The following SLC12A8 variants were observed in gnomAD, a reference collection of about 807,000 sequenced individuals.
SLC12A8 encodes the protein solute carrier family 12 member 8.
Under a neutral mutation model 75.6 loss-of-function variants are expected in SLC12A8, and 69 were observed. The ratio of observed to expected loss-of-function variants is 0.91; its 90% CI spans 0.75 to 1.11. The LOEUF is 1.11. Ranked by LOEUF, SLC12A8 falls within the 50% of genes most tolerant of loss-of-function variation. The pLI is 0.00. For missense variants in SLC12A8, 877 were observed against 896.7 expected (o/e 0.98, Z 0.28); for synonymous variants, 365 against 372.8 (o/e 0.98, Z 0.24).
At chr3:125,130,776 C>T (rs868637167) in intron 6 of SLC12A8, among the ~76,000 whole-genome samples, 1 of 151,862 alleles carries the variant, frequency 6.6e-6, no homozygotes, top group Admixed American at 6.5e-5. Context: ...GGAGGCTCAC[C>T]GCCCCCTTCC....
At chr3:125,162,282 C>A (rs1444180777) in intron 5 of SLC12A8, among the ~76,000 whole-genome samples, 5 of 152,264 alleles carry the variant, frequency 3.3e-5, no homozygotes, top group African/African-American at 1.2e-4. Flanking sequence ...AAGCCCCGTG[C>A]TGGTGTTGGA....
chr3:125,091,320 G>A, intron 12 of SLC12A8, 119 bp downstream of exon 12: 1 of 685,132 alleles, frequency 1.5e-6, no homozygotes, highest in Non-Finnish European at 2.7e-6. Flanking sequence ...TAAATTATTT[G>A]AAAATGGGAT....
In SLC12A8 at chr3:125,108,038, A is replaced by C. The variant is rs779137912; in HGVS notation, c.1148T>G (p.Leu383Arg). Reference sequence around the variant, plus strand: ...GAAGTTGATGGTGACGATGGGGGCCAGAACGTTCACTTGACCCACAAAAAC... The same window carrying C: ...GAAGTTGATGGTGACGATGGGGGCCCGAACGTTCACTTGACCCACAAAAAC... ...AFVFVGQVNV[L>R]APIVTINFML... Residue 383 changes from leucine (L) to arginine (R), a missense_variant, in exon 10 of 14, where the codon CTG becomes CGG. Physicochemically the swap from Leu to Arg is moderately radical, Grantham distance 102. Transcript: ENST00000469902. 1.9e-6 allele frequency: 3 copies of C among 1,614,090 alleles called. No homozygotes were observed. The highest frequency in any genetic ancestry group is 1.3e-5 in the African/African-American group (1 of 74,932).
Position 125,083,949 on chromosome 3 carries a change from G to A in SLC12A8, c.2086C>T (p.Arg696Trp), listed in dbSNP as rs375996151. ...AGGGAGGAGTGGTGGTAGCGATCCC[G>A]AGTGGCGAAGTCTGCATTCTCCTGG... is the stretch of plus-strand genomic sequence containing the variant. The part of the protein sequence containing the change: ...LTQENADFAT[R>W]DRYHHSSLVN... The change falls in exon 14 of 14, where the codon CGG (arginine) becomes TGG (tryptophan). Residue 696 changes from arginine (R) to tryptophan (W), a missense_variant. Arg to Trp is a moderately radical substitution (Grantham distance 101, BLOSUM62 -3). Transcript: ENST00000469902. 21 of 1,613,658 alleles carry A rather than the reference G, an allele frequency of 1.3e-5. No individual in the cohort carries two copies. In the African/African-American group the frequency reaches 1.7e-4, roughly 13 times the overall value.
At chr3:125,169,778 C>A (rs944814209) in intron 5 of SLC12A8, among the ~76,000 whole-genome samples, 10 of 152,078 alleles carry the variant, frequency 6.6e-5, no homozygotes, top group African/African-American at 2.2e-4. Flanking sequence ...CACCAATCAC[C>A]CTACTGTGAT....
At chr3:125,125,927 G>A (rs1469541340) in intron 6 of SLC12A8, 8 of 984,958 alleles carry the variant, frequency 8.1e-6, no homozygotes, top group South Asian at 9.4e-5. Context: ...CATTGGTTTC[G>A]CCACAGGCAC....
At chr3:125,181,630 AAAAT>A (rs1007977004) in intron 4 of SLC12A8, among the ~76,000 whole-genome samples, 4 of 149,924 alleles carry the variant, frequency 2.7e-5, no homozygotes, top group Non-Finnish European at 4.4e-5. Flanking sequence ...AAAAAAAAGA[AAAAT>A]AAAGGAACGA....
intron 2 of SLC12A8, 106 bp from the exon 3 acceptor site, chr3:125,190,627 A>C: frequency 7.5e-7 from 1 of 1,340,346 alleles, no homozygotes; most frequent in Non-Finnish European, 1.0e-6. Context: ...GCTTAAAAAC[A>C]GTCCTGTCTT....
At chr3:125,149,368 G>A (rs1040133442) in intron 5 of SLC12A8, among the ~76,000 whole-genome samples, 1 of 152,176 alleles carries the variant, frequency 6.6e-6, no homozygotes, top group Admixed American at 6.5e-5. Flanking sequence ...TCAGAGCCAG[G>A]GGTCTGGGAT....
chr3:125,190,424 A>G lies in SLC12A8; in HGVS notation c.149T>C (p.Met50Thr), dbSNP rs777897151. The G allele has an allele frequency of 6.2e-6, 10 of 1,614,118 alleles. No homozygotes were observed. The highest frequency in any genetic ancestry group is 8.5e-6 in the Non-Finnish European group (10 of 1,180,050). ...GAGCACAACCCCAAAGATGTTGATC[A>G]TGCAGGATGTGAACACACCATCCCA... ...GTWDGVFTSC[M>T]INIFGVVLFL... The change falls in exon 3 of 14, where the codon ATG becomes ACG. Residue 50 changes from methionine to threonine, a missense_variant. Transcript: ENST00000469902.
rs560157354 is a variant in SLC12A8, at chr3:125,111,390, C to T, written c.913-1055G>A. 5.3e-5 allele frequency among the ~76,000 whole-genome samples: 8 copies of T among 152,338 alleles called. No homozygotes were observed. In the South Asian group the frequency reaches 1.7e-3, roughly 32 times the overall value. On this transcript the variant is annotated intron_variant, in intron 8 of 13. Transcript: ENST00000469902. ...GCTAAGGGGCTGGGTGGCTGCATGACTGCTTGCCATGCACAGCCAGATCCC... is the reference window on the plus strand; with the variant it reads ...GCTAAGGGGCTGGGTGGCTGCATGATTGCTTGCCATGCACAGCCAGATCCC...
intron 2 of SLC12A8, among the ~76,000 whole-genome samples, chr3:125,207,379 T>C (rs1935246207): frequency 6.6e-6 from 1 of 152,188 alleles, no homozygotes; most frequent in Admixed American, 6.5e-5. Context: ...GCTTCCCTTT[T>C]AAGTTCCTGT....
intron 2 of SLC12A8, among the ~76,000 whole-genome samples, chr3:125,190,762 G>A (rs937259030): frequency 4.6e-5 from 7 of 152,202 alleles, no homozygotes; most frequent in Admixed American, 6.5e-5. Flanking sequence ...CAGTGATTCC[G>A]TATCCATATG....
intron 5 of SLC12A8, among the ~76,000 whole-genome samples, chr3:125,164,476 T>A (rs1201393838): frequency 6.6e-6 from 1 of 152,178 alleles, no homozygotes; most frequent in Non-Finnish European, 1.5e-5. Flanking sequence ...CACCCACAAC[T>A]AAGCAGGTGT....
At chr3:125,155,387 T>C (rs1934024307) in intron 5 of SLC12A8, among the ~76,000 whole-genome samples, 2 of 152,198 alleles carry the variant, frequency 1.3e-5, no homozygotes, top group South Asian at 4.2e-4. Flanking sequence ...TCGGCGAGGC[T>C]GTTTGGTAAA....
At chr3:125,153,913 A>G (rs1579509920) in intron 5 of SLC12A8, among the ~76,000 whole-genome samples, 3 of 152,272 alleles carry the variant, frequency 2.0e-5, no homozygotes, top group South Asian at 2.1e-4. Flanking sequence ...ACACCCAGCT[A>G]ATTTTTGTAT....
chr3:125,160,343 T>C (rs756578755), intron 5 of SLC12A8, among the ~76,000 whole-genome samples: 1 of 152,250 alleles, frequency 6.6e-6, no homozygotes, highest in Non-Finnish European at 1.5e-5. Flanking sequence ...CTACTTCTTT[T>C]GTAAGAGTTA....
chr3:125,179,052 T>C (rs956716544), intron 4 of SLC12A8, among the ~76,000 whole-genome samples: 9 of 152,162 alleles, frequency 5.9e-5, no homozygotes, highest in Non-Finnish European at 1.3e-4. Context: ...TCAGCCTTCT[T>C]CTCTCCTCAG....
chr3:125,139,260 G>A (rs906667852), intron 5 of SLC12A8, among the ~76,000 whole-genome samples: 1 of 152,084 alleles, frequency 6.6e-6, no homozygotes, highest in African/African-American at 2.4e-5. Flanking sequence ...GAGAGGGTGA[G>A]AACACCCCCA....
Sources: allele counts gnomAD v4.1 joint callset (sites outside exome capture counted in the v4.1 genomes callset), GRCh38; gene constraint gnomAD v4.1.1; transcripts MANE v1.5; gene names NCBI Gene and HGNC (gene_info 2026-07-23, HGNC 2026-07-21).